Variants in TRPM1 observed in about 807,000 individuals in gnomAD.
TRPM1 encodes transient receptor potential cation channel subfamily M member 1, also known as TRPM1-203 APA Isoform, Intron 10.
TRPM1 carries 113 observed loss-of-function variants against 149.4 expected under a neutral mutation model. That is an observed-to-expected ratio of 0.76 (90% CI 0.65 to 0.88). TRPM1 has a LOEUF of 0.88. Ranked by LOEUF, TRPM1 falls within the 40% of genes least tolerant of loss-of-function variation. The probability of loss-of-function intolerance (pLI) is 0.00; values close to 1 mark genes in which losing one functional copy is unlikely to be tolerated. For synonymous variants in TRPM1, 741 were observed against 759.5 expected, an observed-to-expected ratio of 0.98 and a Z score of 0.40; for missense variants, 1,976 against 2,038.7, an observed-to-expected ratio of 0.97 and a Z score of 0.59.
At chr15:31,003,214 T>A in intron 27 of TRPM1, 144 bp from the exon 28 acceptor site, 1 of 722,058 alleles carries the variant, frequency 1.4e-6, no homozygotes, top group Non-Finnish European at 2.2e-6. Flanking sequence ...CACAATCCCC[T>A]AACATGACTA....
At chr15:31,049,768 C>T (rs923232018) in intron 12 of TRPM1, among the ~76,000 whole-genome samples, 1 of 152,248 alleles carries the variant, frequency 6.6e-6, no homozygotes, top group Non-Finnish European at 1.5e-5. Flanking sequence ...TTCAAAATCT[C>T]AGCCCTCCTG....
intron 27 of TRPM1, among the ~76,000 whole-genome samples, chr15:31,018,425 G>A (rs1485916995): frequency 6.6e-6 from 1 of 151,968 alleles, no homozygotes; most frequent in East Asian, 1.9e-4. Context: ...CCAGGCTGGA[G>A]TGCAATGGTG....
intron 2 of TRPM1, among the ~76,000 whole-genome samples, chr15:31,079,402 C>A (rs191760847): frequency 6.6e-6 from 1 of 152,176 alleles, no homozygotes. Flanking sequence ...TGGAAGGATC[C>A]GTTTCCAGGC....
chr15:31,080,781 C>T (rs566210630), intron 2 of TRPM1, among the ~76,000 whole-genome samples: 2 of 151,096 alleles, frequency 1.3e-5, no homozygotes, highest in Non-Finnish European at 2.9e-5. Flanking sequence ...CTTTCCCTGG[C>T]AGCCCCTCTC....
chr15:31,035,652 A>T lies in TRPM1; in HGVS notation c.2594T>A (p.Leu865Gln), dbSNP rs745706098. ...FYTISYLGYL[L>Q]LFNYVILVRM... Reference sequence around the variant, plus strand: ...CACCAGGATGACGTAGTTAAACAGCAGCAGGTAGCCCAAGTATGATATCTG... The same window carrying T: ...CACCAGGATGACGTAGTTAAACAGCTGCAGGTAGCCCAAGTATGATATCTG... The change falls in exon 21 of 28, where the codon CTG becomes CAG. Residue 865 changes from leucine to glutamine, a missense_variant. Physicochemically the swap from Leu to Gln is moderately radical, Grantham distance 113. Around this residue, in one of 3 missense-constraint regions of TRPM1, gnomAD observed 1,332 missense variants for 1,347.1 expected, o/e 0.99. Transcript: ENST00000256552. 5 of 1,614,244 alleles carry T rather than the reference A, an allele frequency of 3.1e-6. No homozygotes were observed. The highest frequency in any genetic ancestry group is 3.4e-6 in the Non-Finnish European group (4 of 1,180,038).
rs565159516 is a variant in TRPM1 at position 31,001,742 on chromosome 15, T to C, written c.*80A>G. 37 of 1,472,300 alleles carry C rather than the reference T, an allele frequency of 2.5e-5. 1 individual carries two copies. In the South Asian group the frequency reaches 4.5e-4, roughly 18 times the overall value. The allele number at this position is 1,472,300 out of a possible 1,614,324, so 91.2% of individuals were successfully genotyped here. A position where few individuals can be genotyped will look rare whatever the true frequency, so the allele number is the denominator to read the frequency against. ...TTTTTAAGGAAAATGTTTTTAGAAA[T>C]TGATGATGTTTAGATGGCCAAGATG... On this transcript the variant is annotated 3_prime_UTR_variant, in exon 28 of 28. Transcript: ENST00000256552.
At chr15:31,026,523 G>A (rs2032763712) in intron 26 of TRPM1, among the ~76,000 whole-genome samples, 1 of 152,164 alleles carries the variant, frequency 6.6e-6, no homozygotes, top group Admixed American at 6.5e-5. Context: ...GTAAAGCCAA[G>A]TAATATTTCC....
At chr15:31,135,878 A>G (rs1398074677) in intron 1 of TRPM1, among the ~76,000 whole-genome samples, 2 of 152,112 alleles carry the variant, frequency 1.3e-5, no homozygotes, top group African/African-American at 4.8e-5. Context: ...CATGCTTCCT[A>G]TACAGCCTGC....
At chr15:31,089,209 C>G (rs981394291) in intron 1 of TRPM1, among the ~76,000 whole-genome samples, 1 of 152,154 alleles carries the variant, frequency 6.6e-6, no homozygotes, top group East Asian at 1.9e-4. Flanking sequence ...CTAGGTAGTT[C>G]GTAATTCTCT....
chr15:31,067,951 C>T lies in TRPM1; in HGVS notation c.421G>A (p.Val141Ile), dbSNP rs1437178931. The change falls in exon 5 of 28, where the codon GTC becomes ATC. Residue 141 changes from valine (V) to isoleucine (I), a missense_variant. Val to Ile is a conservative substitution (Grantham distance 29). Transcript: ENST00000256552. The stretch of plus-strand genomic sequence containing the variant: ...GCCTTGATCAGGCCTTTCCCAAAGA[C>T]TTGTTTCAGCTTGGGCTGCATCTCA... ...NFEMQPKLKQVFGKGLIKAAM... is the reference protein window; with the variant it reads ...NFEMQPKLKQIFGKGLIKAAM... The T allele has an allele frequency of 2.5e-6, 4 of 1,614,182 alleles. No homozygotes were observed. Among genetic ancestry groups the T allele is most frequent in the South Asian group, 2.2e-5 (2 of 91,084 alleles).
At chr15:31,073,026 A>AT (rs57712238) in intron 3 of TRPM1, among the ~76,000 whole-genome samples, 24 of 152,092 alleles carry the variant, frequency 1.6e-4, no homozygotes, top group African/African-American at 5.3e-4. Flanking sequence ...GGTAAAGACA[A>AT]TTTTTTTGTT....
At chr15:31,149,524 C>CTTTTTT (rs34420721) in intron 1 of TRPM1, among the ~76,000 whole-genome samples, 3 of 128,844 alleles carry the variant, frequency 2.3e-5, no homozygotes, top group African/African-American at 9.5e-5. Flanking sequence ...ATCTCTCTCT[C>CTTTTTT]TCTTTTTTTT....
At chr15:31,150,615 T>C (rs1387715272) in intron 1 of TRPM1, among the ~76,000 whole-genome samples, 1 of 152,072 alleles carries the variant, frequency 6.6e-6, no homozygotes, top group African/African-American at 2.4e-5. Flanking sequence ...TTTGTATTTT[T>C]AGCAGAGATG....
chr15:31,049,561 G>A (rs2033885889), intron 12 of TRPM1, 52 bp from the exon 13 acceptor site: 4 of 1,608,112 alleles, frequency 2.5e-6, no homozygotes, highest in East Asian at 2.2e-5. Context: ...GAGACACAGG[G>A]GAGGGGGGCG....
intron 11 of TRPM1, among the ~76,000 whole-genome samples, chr15:31,055,149 C>T (rs1443543668): frequency 6.6e-6 from 1 of 152,186 alleles, no homozygotes; most frequent in Non-Finnish European, 1.5e-5. Context: ...TTCACAGGCA[C>T]ATCCTTTCTT....
chr15:31,152,567 A>G (rs1580141), intron 1 of TRPM1, among the ~76,000 whole-genome samples: 56,713 of 152,104 alleles, frequency 0.37, 10,784 homozygotes, highest in Admixed American at 0.47. Flanking sequence ...GACGGGAAGC[A>G]GGGGATTTGG....
chr15:31,137,862 G>T (rs79894101), intron 1 of TRPM1, among the ~76,000 whole-genome samples: 1 of 152,092 alleles, frequency 6.6e-6, no homozygotes, highest in Admixed American at 6.5e-5. Context: ...GATAAAAATA[G>T]AGCTCAGAGC....
At chr15:31,099,807 T>C (rs938306325) in intron 1 of TRPM1, among the ~76,000 whole-genome samples, 14 of 152,184 alleles carry the variant, frequency 9.2e-5, no homozygotes, top group African/African-American at 3.4e-4. Flanking sequence ...TAAATATAAT[T>C]GCAAATGCCA....
chr15:31,145,791 G>T (rs1268129549), intron 1 of TRPM1, among the ~76,000 whole-genome samples: 1 of 151,864 alleles, frequency 6.6e-6, no homozygotes, highest in Admixed American at 6.6e-5. Flanking sequence ...CTCATTTTTT[G>T]ATCTATTTGA....
Sources: gnomAD v4.1 joint callset for allele counts (sites outside exome capture counted in the v4.1 genomes callset) on GRCh38, gnomAD v4.1.1 for gene constraint, gnomAD v4.1.1 regional missense constraint, MANE v1.5 for transcripts, NCBI Gene and HGNC (gene_info 2026-07-23, HGNC 2026-07-21) for gene names.